Variants in STEAP2 observed in about 807,000 individuals in gnomAD.
STEAP2 encodes STEAP2 metalloreductase.
STEAP2 carries 30 observed loss-of-function variants against 46.4 expected under a neutral mutation model. The observed-to-expected ratio is 0.65, with a 90% CI of 0.48 to 0.88. STEAP2 has a LOEUF of 0.88. STEAP2 is among the 40% of genes least tolerant of loss of function. The probability of loss-of-function intolerance (pLI) is 0.00; values close to 1 mark genes in which losing one functional copy is unlikely to be tolerated. For synonymous variants in STEAP2, 180 were observed against 200.5 expected (o/e 0.90, Z 0.86); for missense variants, 513 against 579.3 (o/e 0.89, Z 1.18).
chr7:90,226,600 A>G (rs1391201097), intron 3 of STEAP2, among the ~76,000 whole-genome samples: 1 of 152,216 alleles, frequency 6.6e-6, no homozygotes, highest in Non-Finnish European at 1.5e-5. Flanking sequence ...TGTAAATAGA[A>G]ACATGCAAAT....
Position 90,235,247 on chromosome 7 carries a change from T to C in STEAP2, c.*2623T>C. The stretch of plus-strand genomic sequence containing the variant: ...ATGTATAAAAGATGCATCTGTTGTT[T>C]CAAATGGCACTATCTTCTTTTCAGT... On this transcript the variant is annotated 3_prime_UTR_variant, in exon 6 of 6. Coordinates refer to ENST00000394621, the MANE Select transcript of STEAP2 (RefSeq NM_001244944.2). 5 of 983,790 alleles carry C rather than the reference T, an allele frequency of 5.1e-6. No homozygotes were observed. Among genetic ancestry groups the C allele is most frequent in the Non-Finnish European group, 6.0e-6 (5 of 828,402 alleles). The allele number at this position is 983,790 out of a possible 1,614,324, so 60.9% of individuals were successfully genotyped here. A position where few individuals can be genotyped will look rare whatever the true frequency, so the allele number is the denominator to read the frequency against.
intron 5 of STEAP2, among the ~76,000 whole-genome samples, chr7:90,232,026 A>C (rs1795774612): frequency 6.6e-6 from 1 of 152,078 alleles, no homozygotes; most frequent in South Asian, 2.1e-4. Context: ...TACAGTATTA[A>C]TGTCATTTTC....
chr7:90,232,623 G>A lies in STEAP2; in HGVS notation c.1472G>A (p.Ter491=). The A allele has an allele frequency of 6.2e-7, 1 of 1,602,136 alleles. No homozygotes were observed. The highest frequency in any genetic ancestry group is 8.5e-7 in the Non-Finnish European group (1 of 1,173,758). Residue 491 remains the stop codon, a stop_retained_variant, in exon 6 of 6, where the codon TGA becomes TAA. Transcript: ENST00000394621. ...TCCCCGGAGAGGGTCACAGTAATGT[G>A]ATGACAAATGGTGTTCACAGCTGCC... is the stretch of plus-strand genomic sequence containing the variant. ...HVSPERVTVM[*]
chr7:90,235,420 T>A lies in STEAP2; in HGVS notation c.*2796T>A, dbSNP rs1309207735. On this transcript the variant is annotated 3_prime_UTR_variant, in exon 6 of 6. Coordinates refer to ENST00000394621, the MANE Select transcript of STEAP2 (RefSeq NM_001244944.2). ...CTATGTGATTATTTTTCTTAATTGT[T>A]ATTTTTTATAATCATTATTTTTCTG... 1 of 980,850 alleles carries A rather than the reference T, an allele frequency of 1.0e-6. No individual in the cohort carries two copies. The highest frequency in any genetic ancestry group is 1.2e-6 in the Non-Finnish European group (1 of 825,824). The allele number at this position is 980,850 out of a possible 1,614,324, so 60.8% of individuals were successfully genotyped here. A position where few individuals can be genotyped will look rare whatever the true frequency, so the allele number is the denominator to read the frequency against.
At chr7:90,228,267 G>C (rs1795582136) in intron 4 of STEAP2, among the ~76,000 whole-genome samples, 1 of 152,098 alleles carries the variant, frequency 6.6e-6, no homozygotes, top group Non-Finnish European at 1.5e-5. Flanking sequence ...ATGTGTAAAA[G>C]CATCTGCATT....
intron 1 of STEAP2, among the ~76,000 whole-genome samples, chr7:90,214,837 C>G (rs1350830057): frequency 6.6e-6 from 1 of 152,134 alleles, no homozygotes; most frequent in Non-Finnish European, 1.5e-5. Flanking sequence ...AGATTTCAGG[C>G]AGTGAGTGAC....
In STEAP2 at chr7:90,232,611, T is replaced by A. The variant is rs902241626; in HGVS notation, c.1460T>A (p.Val487Asp). ...ATTCCTCATGTCTCCCCGGAGAGGG[T>A]CACAGTAATGTGATGACAAATGGTG... ...GTIPHVSPERVTVM is the reference protein window; with the variant it reads ...GTIPHVSPERDTVM The change falls in exon 6 of 6, where the codon GTC (valine) becomes GAC (aspartate). Residue 487 changes from valine (V) to aspartate (D), a missense_variant. Physicochemically the swap from Val to Asp is radical, Grantham distance 152. Coordinates refer to ENST00000394621, the MANE Select transcript of STEAP2 (RefSeq NM_001244944.2). 1.2e-6 allele frequency: 2 copies of A among 1,610,560 alleles called. No homozygotes were observed. Among genetic ancestry groups the A allele is most frequent in the Non-Finnish European group, 1.7e-6 (2 of 1,178,198 alleles).
At chr7:90,241,791 C>T (rs1207359594), downstream of STEAP2, among the ~76,000 whole-genome samples, 1 of 152,134 alleles carries the variant, frequency 6.6e-6, no homozygotes, top group Non-Finnish European at 1.5e-5. Context: ...CAGTTGATAC[C>T]ATTAAGTATG....
chr7:90,238,164 A>G, downstream of STEAP2: 1 of 717,010 alleles, frequency 1.4e-6, no homozygotes, highest in East Asian at 2.7e-5. Flanking sequence ...CCACCACCAC[A>G]CTGCTATATG....
At chr7:90,213,553 A>T (rs1422839490) in intron 1 of STEAP2, among the ~76,000 whole-genome samples, 1 of 152,190 alleles carries the variant, frequency 6.6e-6, no homozygotes, top group African/African-American at 2.4e-5. Context: ...TTAAGGGCCC[A>T]CATGTGTTTT....
downstream of STEAP2, chr7:90,237,768 G>A (rs931994409): frequency 3.8e-4 from 80 of 209,202 alleles, no homozygotes; most frequent in African/African-American, 1.8e-3. Context: ...GAGGGGTTTT[G>A]TTTGTTTTTA....
rs1319057382 is a variant in STEAP2 at position 90,233,289 on chromosome 7, T to C, written c.*665T>C. On this transcript the variant is annotated 3_prime_UTR_variant, in exon 6 of 6. Coordinates refer to ENST00000394621, the MANE Select transcript of STEAP2 (RefSeq NM_001244944.2). Reference sequence around the variant, plus strand: ...CTGATAATACATACCTCATGAAAGATTTTATTCTTTATTGTGTTACAGAGC... The same window carrying C: ...CTGATAATACATACCTCATGAAAGACTTTATTCTTTATTGTGTTACAGAGC... The C allele has an allele frequency of 4.2e-6, 4 of 957,652 alleles. No homozygotes were observed. In the African/African-American group the frequency reaches 5.3e-5, roughly 13 times the overall value. The allele number at this position is 957,652 out of a possible 1,614,324, so 59.3% of individuals were successfully genotyped here.
intron 4 of STEAP2, among the ~76,000 whole-genome samples, chr7:90,229,408 T>C (rs192178621): frequency 1.6e-4 from 24 of 152,276 alleles, no homozygotes; most frequent in Admixed American, 1.4e-3. Context: ...TGGAAGAAGA[T>C]ACTGACATAG....
In STEAP2 at chr7:90,234,276, T is replaced by C; in HGVS notation, c.*1652T>C. 2.0e-6 allele frequency: 2 copies of C among 985,342 alleles called. No individual in the cohort carries two copies. Among genetic ancestry groups the C allele is most frequent in the South Asian group, 4.7e-5 (1 of 21,284 alleles). The allele number at this position is 985,342 out of a possible 1,614,324, so 61.0% of individuals were successfully genotyped here. A position where few individuals can be genotyped will look rare whatever the true frequency, so the allele number is the denominator to read the frequency against. On this transcript the variant is annotated 3_prime_UTR_variant, in exon 6 of 6. Transcript: ENST00000394621. ...TGCTCAAACTGTAGAATGCCCTACATTCCCCCCACCCCAATTTGCTATTTC... is the reference window on the plus strand; with the variant it reads ...TGCTCAAACTGTAGAATGCCCTACACTCCCCCCACCCCAATTTGCTATTTC...
intron 1 of STEAP2, among the ~76,000 whole-genome samples, chr7:90,212,531 G>A (rs924447204): frequency 1.4e-4 from 21 of 152,224 alleles, no homozygotes; most frequent in Non-Finnish European, 2.8e-4. Context: ...CTGTTAGAAA[G>A]TAATTGGCCT....
chr7:90,243,043 G>C (rs1275946465), downstream of STEAP2, among the ~76,000 whole-genome samples: 1 of 152,194 alleles, frequency 6.6e-6, no homozygotes, highest in Admixed American at 6.5e-5. Context: ...GAGAAAAGCG[G>C]AAGAATGACT....
At chr7:90,240,009 C>T (rs138990575), downstream of STEAP2, among the ~76,000 whole-genome samples, 841 of 152,230 alleles carry the variant, frequency 5.5e-3, 5 homozygotes, top group African/African-American at 0.019. The surrounding 1 kb of genome is among the most constrained non-coding windows in gnomAD (Gnocchi z 4.1). Context: ...CGGTGGCTCA[C>T]GCCTGTGATC....
chr7:90,233,785 A>G lies in STEAP2; in HGVS notation c.*1161A>G, dbSNP rs1302767251. ...GCTCTAGAGCTCCCGCCGCGCCCCTATGCATTATGTTCACAATGCCAATCT... is the reference window on the plus strand; with the variant it reads ...GCTCTAGAGCTCCCGCCGCGCCCCTGTGCATTATGTTCACAATGCCAATCT... On this transcript the variant is annotated 3_prime_UTR_variant, in exon 6 of 6. Coordinates refer to ENST00000394621, the MANE Select transcript of STEAP2 (RefSeq NM_001244944.2). 1.9e-5 allele frequency: 19 copies of G among 985,264 alleles called. No homozygotes were observed. The Admixed American group carries it at 1.0e-3, about 54-fold the overall frequency. 61.0% of individuals were successfully genotyped at this position (985,264 alleles called of 1,614,324 possible).
rs572998531 is a variant in STEAP2, at chr7:90,227,000, G to A, written c.522G>A (p.Ala174=). 74 of 1,603,934 alleles carry A rather than the reference G, an allele frequency of 4.6e-5. No individual in the cohort carries two copies. Among genetic ancestry groups the A allele is most frequent in the East Asian group, 6.7e-5 (3 of 44,852 alleles). ...ATATATGCAGCAACAATATTCAAGC[G>A]CGACAACAGGTTATTGAACTTGCCC... is the stretch of plus-strand genomic sequence containing the variant. ...QVYICSNNIQ[A]RQQVIELARQ... The change falls in exon 4 of 6, where the codon GCG becomes GCA. Residue 174 remains alanine, a synonymous_variant. Transcript: ENST00000394621.
Sources: gnomAD v4.1 joint callset for allele counts (sites outside exome capture counted in the v4.1 genomes callset) on GRCh38, gnomAD v4.1.1 for gene constraint, Gnocchi (gnomAD v3.1) non-coding constraint, MANE v1.5 for transcripts, NCBI Gene and HGNC (gene_info 2026-07-23, HGNC 2026-07-21) for gene names.